PCDHA2: variants seen among roughly 807,000 people sequenced by gnomAD.
PCDHA2 encodes the protein protocadherin alpha-2.
A neutral mutation model predicts 66.0 loss-of-function variants in PCDHA2; 58 were observed. That is an observed-to-expected ratio of 0.88 (90% CI 0.71 to 1.09). The LOEUF is 1.09. Ranked by LOEUF, PCDHA2 falls within the 50% of genes least tolerant of loss-of-function variation. The pLI, the probability that PCDHA2 is intolerant of heterozygous loss-of-function variation, is 0.00. For missense variants in PCDHA2, 1,267 were observed against 1,242.3 expected (o/e 1.02, Z -0.30); for synonymous variants, 634 against 554.0 (o/e 1.14, Z -2.03).
chr5:140,872,015 G>T (rs1322069149), intron 1 of PCDHA2, among the ~76,000 whole-genome samples: 3 of 152,208 alleles, frequency 2.0e-5, no homozygotes, highest in Non-Finnish European at 4.4e-5. Flanking sequence ...GTGACCTGTA[G>T]CCTGGAACTG....
At position 140,871,409 on chromosome 5, in the gene PCDHA2, T is replaced by C. The variant is rs2053060094; in HGVS notation, c.2388+74057T>C. The C allele has an allele frequency of 1.2e-6, 2 of 1,613,974 alleles. No homozygotes were observed. Among genetic ancestry groups the C allele is most frequent in the African/African-American group, 1.3e-5 (1 of 74,954 alleles). On this transcript the variant is annotated intron_variant, in intron 1 of 3. Coordinates refer to ENST00000526136, the MANE Select transcript of PCDHA2 (RefSeq NM_018905.3). ...GAGGGCCCACCTAAGACGGACCTCATGGCCTTCAGCCCCAGTCTTCCTCTA... is the reference window on the plus strand; with the variant it reads ...GAGGGCCCACCTAAGACGGACCTCACGGCCTTCAGCCCCAGTCTTCCTCTA...
chr5:140,946,611 A>AATAT (rs1554217734), intron 1 of PCDHA2, among the ~76,000 whole-genome samples: 1,089 of 86,784 alleles, frequency 0.013, 135 homozygotes, highest in African/African-American at 0.062. Flanking sequence ...GAAAATGTGA[A>AATAT]ATATATATAT....
intron 1 of PCDHA2, chr5:140,884,155 C>A (rs781815602): frequency 1.2e-6 from 2 of 1,613,430 alleles, no homozygotes; most frequent in Non-Finnish European, 1.7e-6. Flanking sequence ...TGTACACTGG[C>A]GAGATCAGCA....
At chr5:140,875,951 C>A (rs1292449525) in intron 1 of PCDHA2, 2 of 1,614,116 alleles carry the variant, frequency 1.2e-6, no homozygotes, top group East Asian at 2.2e-5. Flanking sequence ...GCTTCTGATG[C>A]GGATATCGGC....
chr5:140,887,769 T>A (rs1012351831), intron 1 of PCDHA2, among the ~76,000 whole-genome samples: 23 of 152,212 alleles, frequency 1.5e-4, no homozygotes, highest in African/African-American at 5.5e-4. Flanking sequence ...TATGTTACAA[T>A]GACACAGGTC....
intron 1 of PCDHA2, among the ~76,000 whole-genome samples, chr5:140,889,996 A>G (rs1162958741): frequency 5.3e-5 from 8 of 152,152 alleles, no homozygotes; most frequent in African/African-American, 1.9e-4. Flanking sequence ...TAGCTTTCCA[A>G]GCTTAGGTGC....
In PCDHA2 at chr5:140,795,918, T is replaced by G; in HGVS notation, c.954T>G (p.Ile318Met). The G allele has an allele frequency of 6.2e-7, 1 of 1,613,864 alleles. No individual in the cohort carries two copies. The highest frequency in any genetic ancestry group is 8.5e-7 in the Non-Finnish European group (1 of 1,179,834). The change falls in exon 1 of 4, where the codon ATT becomes ATG. Residue 318 changes from isoleucine (I) to methionine (M), a missense_variant. By Grantham distance (10) the Ile-to-Met change is conservative. Coordinates refer to ENST00000526136, the MANE Select transcript of PCDHA2 (RefSeq NM_018905.3). ...ATGAAGAAGCAAAGTCCTACGAGAT[T>G]CAGGTCACTGCAACTGACAAAGGAA... The part of the protein sequence containing the change: ...LDYEEAKSYE[I>M]QVTATDKGTP...
At position 140,795,561 on chromosome 5, in the gene PCDHA2, G is replaced by T. The variant is rs1554119494; in HGVS notation, c.597G>T (p.Ser199=). The T allele has an allele frequency of 6.2e-7, 1 of 1,614,018 alleles. No homozygotes were observed. Among genetic ancestry groups the T allele is most frequent in the African/African-American group, 1.3e-5 (1 of 74,906 alleles). The change falls in exon 1 of 4, where the codon TCG becomes TCT. Residue 199 remains serine, a synonymous_variant. Coordinates refer to ENST00000526136, the MANE Select transcript of PCDHA2 (RefSeq NM_018905.3). ...SESLSLVLGK[S]LDREETAEVN... is the part of the protein sequence containing the mutation. ...CTTTGTCTCTCGTGCTGGGGAAATC[G>T]CTGGACAGAGAGGAAACTGCTGAGG... is the stretch of plus-strand genomic sequence containing the variant.
At position 140,856,909 on chromosome 5, in the gene PCDHA2, G is replaced by A. The variant is rs782127825; in HGVS notation, c.2388+59557G>A. 1.5e-4 allele frequency: 234 copies of A among 1,596,020 alleles called. 23 individuals carry two copies. The highest frequency in any genetic ancestry group is 1.9e-4 in the Non-Finnish European group (221 of 1,165,964). Reference sequence around the variant, plus strand: ...CATTTAGCTCTTTGGTCCCACCCACGATAAGAAGGAAATTTTGGATAAACG... The same window carrying A: ...CATTTAGCTCTTTGGTCCCACCCACAATAAGAAGGAAATTTTGGATAAACG... On this transcript the variant is annotated intron_variant, in intron 1 of 3. Coordinates refer to ENST00000526136, the MANE Select transcript of PCDHA2 (RefSeq NM_018905.3).
chr5:140,836,986 C>A, intron 1 of PCDHA2: 1 of 355,800 alleles, frequency 2.8e-6, no homozygotes, highest in East Asian at 4.9e-5. Context: ...TGGAGGAGGA[C>A]TTTGCTAACT....
At chr5:140,848,673 G>A (rs2150416689) in intron 1 of PCDHA2, 2 of 1,592,332 alleles carry the variant, frequency 1.3e-6, no homozygotes, top group Non-Finnish European at 1.7e-6. Context: ...GGCGGAGCTG[G>A]TGCCGCGCCT....
chr5:140,877,377 C>T (rs575601254), intron 1 of PCDHA2: 2 of 1,614,008 alleles, frequency 1.2e-6, no homozygotes, highest in Non-Finnish European at 1.7e-6. Context: ...GCACGACACG[C>T]ATCCTGGATG....
chr5:140,853,006 G>A (rs1263540311), intron 1 of PCDHA2: 2 of 293,534 alleles, frequency 6.8e-6, no homozygotes, highest in Non-Finnish European at 1.1e-5. Flanking sequence ...AGCCTCCCGA[G>A]TAGCTGGGAC....
rs2150171293 is a variant in PCDHA2, at chr5:140,829,615, T to G, written c.2388+32263T>G. On this transcript the variant is annotated intron_variant, in intron 1 of 3. Transcript: ENST00000526136. ...GCGAGCGCGCGTTGTCGAGCTACAT[T>G]TCGGTGCACGCGGAGAGCGGCAAGG... is the stretch of plus-strand genomic sequence containing the variant. The G allele has an allele frequency of 5.0e-6, 8 of 1,612,084 alleles. No individual in the cohort carries two copies. In the African/African-American group the frequency reaches 9.3e-5, roughly 19 times the overall value.
In PCDHA2 at chr5:140,803,398, C is replaced by A. The variant is rs781917643; in HGVS notation, c.2388+6046C>A. ...CCGCCAACCGAAGGCGACTGTGGGC[C>A]GGGCAAGCCCACGCTGGTGTGCTCC... On this transcript the variant is annotated intron_variant, in intron 1 of 3. Transcript: ENST00000526136. The A allele has an allele frequency of 3.1e-6, 5 of 1,614,198 alleles. No homozygotes were observed. The highest frequency in any genetic ancestry group is 1.3e-5 in the African/African-American group (1 of 75,052).
At chr5:140,801,292 A>T in intron 1 of PCDHA2, 1 of 1,613,480 alleles carries the variant, frequency 6.2e-7, no homozygotes. Flanking sequence ...GGCCAGCTCC[A>T]CTACTCCGTC....
intron 3 of PCDHA2, among the ~76,000 whole-genome samples, chr5:141,007,395 C>CAAA (rs35800918): frequency 7.4e-5 from 7 of 94,852 alleles, no homozygotes; most frequent in Non-Finnish European, 1.2e-4. Flanking sequence ...TACTAAAATA[C>CAAA]AAAAAAAAAA....
At chr5:140,937,328 C>T (rs191377007) in intron 1 of PCDHA2, among the ~76,000 whole-genome samples, 9 of 152,066 alleles carry the variant, frequency 5.9e-5, no homozygotes, top group Admixed American at 5.2e-4. Context: ...TGAGCCACCG[C>T]GCCCGGCTTC....
At chr5:140,882,024 G>C in intron 1 of PCDHA2, 1 of 580,388 alleles carries the variant, frequency 1.7e-6, no homozygotes, top group East Asian at 3.1e-5. Flanking sequence ...CTACATCAAT[G>C]GAAAATATGA....
Sources: allele counts gnomAD v4.1 joint callset (sites outside exome capture counted in the v4.1 genomes callset), GRCh38; gene constraint gnomAD v4.1.1; transcripts MANE v1.5; gene names NCBI Gene and HGNC (gene_info 2026-07-23, HGNC 2026-07-21).